The following SDK1 variants were observed in gnomAD, a reference collection of about 807,000 sequenced individuals.
SDK1 encodes the protein sidekick cell adhesion molecule 1, also known as protein sidekick-1.
Under a neutral mutation model 245.5 loss-of-function variants are expected in SDK1, and 157 were observed. The ratio of observed to expected loss-of-function variants is 0.64; its 90% CI spans 0.56 to 0.73. The LOEUF is 0.73. Ranked by LOEUF, SDK1 falls within the 30% of genes least tolerant of loss-of-function variation. SDK1 has a pLI of 0.00. For synonymous variants in SDK1, 1,647 were observed against 1,278.5 expected (o/e 1.29, Z -6.15); for missense variants, 3,583 against 3,002.3 (o/e 1.19, Z -4.52).
At chr7:3,305,220 C>T (rs974936516) in intron 1 of SDK1, among the ~76,000 whole-genome samples, 1 of 152,240 alleles carries the variant, frequency 6.6e-6, no homozygotes. Context: ...ATCGGAATCA[C>T]TGGTGAAAAT....
intron 5 of SDK1, among the ~76,000 whole-genome samples, chr7:3,885,137 G>A (rs930320848): frequency 2.6e-5 from 4 of 152,076 alleles, no homozygotes; most frequent in Non-Finnish European, 2.9e-5. Flanking sequence ...CTGGTAATTC[G>A]GGAATGAGGG....
At chr7:4,188,020 T>A (rs1782990485) in intron 35 of SDK1, among the ~76,000 whole-genome samples, 1 of 152,128 alleles carries the variant, frequency 6.6e-6, no homozygotes, top group Admixed American at 6.5e-5. Context: ...CCTTATAAAA[T>A]CATCAGCTCT....
At chr7:3,842,027 G>T (rs554554519) in intron 5 of SDK1, among the ~76,000 whole-genome samples, 2 of 152,200 alleles carry the variant, frequency 1.3e-5, no homozygotes, top group Non-Finnish European at 2.9e-5. Flanking sequence ...GTAGCCTCAG[G>T]GGTAAGGGAT....
chr7:3,920,806 A>G (rs1248005569), intron 5 of SDK1, among the ~76,000 whole-genome samples: 2 of 152,166 alleles, frequency 1.3e-5, no homozygotes, highest in African/African-American at 2.4e-5. Flanking sequence ...ATGGCATTGC[A>G]TGGGACATAA....
intron 4 of SDK1, among the ~76,000 whole-genome samples, chr7:3,813,033 C>T (rs572342763): frequency 3.4e-4 from 51 of 152,134 alleles, no homozygotes; most frequent in Non-Finnish European, 5.6e-4. Context: ...ATCACTCTGG[C>T]GACTTAACAT....
chr7:3,836,873 TTGCC>T (rs1780039434), intron 5 of SDK1, among the ~76,000 whole-genome samples: 1 of 152,244 alleles, frequency 6.6e-6, no homozygotes, highest in East Asian at 1.9e-4. Context: ...GAAACCAGCT[TTGCC>T]AGCCAGGTTG....
intron 22 of SDK1, among the ~76,000 whole-genome samples, chr7:4,103,315 ATTTGT>A (rs1782695627): frequency 6.6e-6 from 1 of 152,210 alleles, no homozygotes; most frequent in African/African-American, 2.4e-5. Context: ...CAGAGCTTTG[ATTTGT>A]TTTATCTTTA....
chr7:3,720,273 A>G (rs1323516037), intron 4 of SDK1, among the ~76,000 whole-genome samples: 1 of 152,130 alleles, frequency 6.6e-6, no homozygotes, highest in African/African-American at 2.4e-5. Context: ...AACAACAAAA[A>G]AAGTATAAAA....
At chr7:3,448,985 G>A (rs936644403) in intron 1 of SDK1, among the ~76,000 whole-genome samples, 3 of 151,984 alleles carry the variant, frequency 2.0e-5, no homozygotes, top group Non-Finnish European at 2.9e-5. Flanking sequence ...AGACCCTGGG[G>A]AAAAAAGGGA....
At chr7:3,609,701 C>T (rs554690988) in intron 1 of SDK1, among the ~76,000 whole-genome samples, 3 of 137,034 alleles carry the variant, frequency 2.2e-5, no homozygotes, top group South Asian at 5.3e-4. Context: ...TGCCCAGCCT[C>T]CCCACCCCCC....
intron 26 of SDK1, among the ~76,000 whole-genome samples, chr7:4,128,250 C>T (rs893065209): frequency 1.3e-5 from 2 of 152,192 alleles, no homozygotes; most frequent in Non-Finnish European, 2.9e-5. Context: ...TCCACCTTTC[C>T]GTACTTCACA....
chr7:3,807,834 C>T (rs1664369292), intron 4 of SDK1, among the ~76,000 whole-genome samples: 1 of 152,172 alleles, frequency 6.6e-6, no homozygotes, highest in Non-Finnish European at 1.5e-5. Context: ...GCCTCTGCTT[C>T]CTTTCTGTAA....
chr7:3,659,755 G>C (rs954212730), intron 4 of SDK1, among the ~76,000 whole-genome samples: 1 of 152,220 alleles, frequency 6.6e-6, no homozygotes, highest in East Asian at 1.9e-4. Flanking sequence ...GAGAGAATAC[G>C]TAGGAAGCTT....
chr7:3,686,108 T>A (rs1784274219), intron 4 of SDK1, among the ~76,000 whole-genome samples: 1 of 152,162 alleles, frequency 6.6e-6, no homozygotes, highest in East Asian at 1.9e-4. Context: ...GGAGTTTTGC[T>A]CTTGTTGCCC....
At chr7:3,617,396 G>A (rs975179468) in intron 1 of SDK1, among the ~76,000 whole-genome samples, 3 of 152,166 alleles carry the variant, frequency 2.0e-5, no homozygotes, top group Admixed American at 1.3e-4. Flanking sequence ...ACTTGTTAGA[G>A]CATATTGTGC....
chr7:3,550,862 T>A (rs1002205878), intron 1 of SDK1, among the ~76,000 whole-genome samples: 2 of 152,214 alleles, frequency 1.3e-5, no homozygotes, highest in African/African-American at 4.8e-5. Flanking sequence ...AGATTAGGGT[T>A]TTGTAATTTT....
chr7:3,446,143 A>C (rs973255116), intron 1 of SDK1, among the ~76,000 whole-genome samples: 8 of 152,080 alleles, frequency 5.3e-5, no homozygotes, highest in Non-Finnish European at 1.0e-4. Flanking sequence ...CCTGTTAGGT[A>C]AGATCTCATT....
chr7:3,769,936 C>CTG (rs34066132), intron 4 of SDK1, among the ~76,000 whole-genome samples: 28,343 of 144,586 alleles, frequency 0.2, 2,692 homozygotes, highest in Non-Finnish European at 0.23. Flanking sequence ...TACTTATTGT[C>CTG]TGTGTGTGTG....
At chr7:3,977,610 C>T (rs185748302) in intron 13 of SDK1, among the ~76,000 whole-genome samples, 3 of 152,352 alleles carry the variant, frequency 2.0e-5, no homozygotes, top group African/African-American at 7.2e-5. Context: ...TCATGCACCC[C>T]TTAGCATTCA....
Sources: gnomAD v4.1 joint callset for allele counts (sites outside exome capture counted in the v4.1 genomes callset) on GRCh38, gnomAD v4.1.1 for gene constraint, MANE v1.5 for transcripts, NCBI Gene and HGNC (gene_info 2026-07-23, HGNC 2026-07-21) for gene names.